Variants in CORO1C observed in about 807,000 individuals in gnomAD.
CORO1C encodes the protein coronin-1C.
In CORO1C, 14 loss-of-function variants were observed where a neutral mutation model predicts 51.2. That is an observed-to-expected ratio of 0.27 (90% CI 0.18 to 0.43). The LOEUF is 0.43. Ranked by LOEUF, CORO1C falls within the 20% of genes least tolerant of loss-of-function variation. The pLI is 1.00. For missense variants in CORO1C, 417 were observed against 607.8 expected (o/e 0.69, Z 3.30); for synonymous variants, 181 against 210.5 (o/e 0.86, Z 1.21).
intron 1 of CORO1C, among the ~76,000 whole-genome samples, chr12:108,709,468 A>G (rs1441683243): frequency 6.6e-6 from 1 of 152,348 alleles, no homozygotes; most frequent in East Asian, 1.9e-4. Context: ...CTGCAAACAA[A>G]GGAAAAATTG....
At position 108,694,334 on chromosome 12, in the gene CORO1C, G is replaced by A. The variant is rs535901413; in HGVS notation, c.195+6790C>T. ...GAACCCACCACAGGTCGCTGCACAT[G>A]CAGGCACTAAGGAATGAATATGTGA... On this transcript the variant is annotated intron_variant, in intron 2 of 10. Coordinates refer to ENST00000261401, the MANE Select transcript of CORO1C (RefSeq NM_014325.4). Among the ~76,000 whole-genome samples, 10 of 148,584 alleles carry A rather than the reference G, an allele frequency of 6.7e-5. 1 individual carries two copies. The Middle Eastern group carries it at 0.011, about 162-fold the overall frequency.
intron 1 of CORO1C, among the ~76,000 whole-genome samples, chr12:108,714,631 G>A (rs977364253): frequency 2.0e-5 from 3 of 151,774 alleles, no homozygotes; most frequent in East Asian, 1.9e-4. Flanking sequence ...GCATGATGGC[G>A]CATGCCTGTG....
Position 108,654,351 on chromosome 12 carries a change from C to T in CORO1C, c.810G>A (p.Leu270=). The change falls in exon 7 of 11, where the codon CTG becomes CTA. Residue 270 remains leucine (L), a synonymous_variant. Transcript: ENST00000261401. ...TGCTGGTGTCAGGGTCATAGAAAGG[C>T]AGCAACACCCCATTGCTAGTGTCCA... ...HEMDTSNGVL[L]PFYDPDTSII... 1 of 1,613,598 alleles carries T rather than the reference C, an allele frequency of 6.2e-7. No homozygotes were observed. Among genetic ancestry groups the T allele is most frequent in the Non-Finnish European group, 8.5e-7 (1 of 1,179,546 alleles).
intron 4 of CORO1C, among the ~76,000 whole-genome samples, chr12:108,660,190 G>A (rs534861908): frequency 6.6e-6 from 1 of 152,160 alleles, no homozygotes; most frequent in Non-Finnish European, 1.5e-5. Context: ...GGTGGCTCAC[G>A]CCTGTAATCC....
At chr12:108,723,842 A>T (rs1207056409) in intron 1 of CORO1C, among the ~76,000 whole-genome samples, 1 of 152,220 alleles carries the variant, frequency 6.6e-6, no homozygotes, top group Non-Finnish European at 1.5e-5. Flanking sequence ...CGGCCTACTA[A>T]TGCCAATTTT....
intron 1 of CORO1C, among the ~76,000 whole-genome samples, chr12:108,710,648 T>A (rs2136875640): frequency 6.6e-6 from 1 of 151,638 alleles, no homozygotes; most frequent in East Asian, 1.9e-4. Flanking sequence ...CACTGCAACC[T>A]CCACCTCCCA....
At chr12:108,678,605 A>G (rs548615326) in intron 2 of CORO1C, among the ~76,000 whole-genome samples, 2 of 152,276 alleles carry the variant, frequency 1.3e-5, no homozygotes, top group Admixed American at 6.5e-5. Flanking sequence ...CCTAGAACCA[A>G]AAAGATGTAA....
intron 1 of CORO1C, among the ~76,000 whole-genome samples, chr12:108,721,191 A>G (rs2035465174): frequency 6.6e-6 from 1 of 152,258 alleles, no homozygotes; most frequent in Non-Finnish European, 1.5e-5. Flanking sequence ...ACCTACCTTT[A>G]TAACTCCATA....
chr12:108,650,306 A>G (rs2032588235), intron 8 of CORO1C, among the ~76,000 whole-genome samples: 1 of 150,344 alleles, frequency 6.7e-6, no homozygotes, highest in Admixed American at 6.7e-5. Flanking sequence ...AGCCTCTGGA[A>G]TAACTGGGAC....
chr12:108,709,816 G>T (rs1226310666), intron 1 of CORO1C, among the ~76,000 whole-genome samples: 3 of 152,336 alleles, frequency 2.0e-5, no homozygotes, highest in Non-Finnish European at 4.4e-5. Flanking sequence ...TGTCCTGTCA[G>T]AGAGTGGTTC....
chr12:108,712,005 T>C (rs2035195263), intron 1 of CORO1C, among the ~76,000 whole-genome samples: 1 of 152,140 alleles, frequency 6.6e-6, no homozygotes, highest in Non-Finnish European at 1.5e-5. Context: ...GCTCAGCCCA[T>C]TTGCTGAGAC....
At chr12:108,708,469 T>G (rs1565933937) in intron 1 of CORO1C, among the ~76,000 whole-genome samples, 1 of 151,920 alleles carries the variant, frequency 6.6e-6, no homozygotes, top group African/African-American at 2.4e-5. Context: ...AGAGTTTTTT[T>G]TTTTTTTTCT....
At chr12:108,681,011 TTC>T (rs560784452) in intron 2 of CORO1C, among the ~76,000 whole-genome samples, 2 of 152,006 alleles carry the variant, frequency 1.3e-5, no homozygotes, top group East Asian at 1.9e-4. Context: ...CTTCCTTTCT[TTC>T]TCTCTCTCTC....
intron 2 of CORO1C, among the ~76,000 whole-genome samples, chr12:108,679,874 T>G (rs1402665810): frequency 6.6e-6 from 1 of 152,234 alleles, no homozygotes. Context: ...ATGATACTTA[T>G]TAACTCCCAC....
intron 2 of CORO1C, among the ~76,000 whole-genome samples, chr12:108,696,601 T>C (rs2034695202): frequency 6.6e-6 from 1 of 152,150 alleles, no homozygotes; most frequent in African/African-American, 2.4e-5. Context: ...TGTGTGCTCT[T>C]GAGACAAGGC....
chr12:108,715,274 T>C (rs1299787603), intron 1 of CORO1C, among the ~76,000 whole-genome samples: 1 of 151,984 alleles, frequency 6.6e-6, no homozygotes, highest in Non-Finnish European at 1.5e-5. Context: ...TGTAATTCCC[T>C]CACATCTTAT....
chr12:108,698,799 T>G (rs1464031400), intron 2 of CORO1C, among the ~76,000 whole-genome samples: 1 of 152,186 alleles, frequency 6.6e-6, no homozygotes, highest in Admixed American at 6.5e-5. Context: ...CCACTACAAG[T>G]CAGTGACTGA....
At chr12:108,673,334 C>CT (rs1372629130) in intron 3 of CORO1C, among the ~76,000 whole-genome samples, 1 of 152,206 alleles carries the variant, frequency 6.6e-6, no homozygotes, top group Non-Finnish European at 1.5e-5. Context: ...TCCTAACTCT[C>CT]TTCAATTCCA....
At chr12:108,650,778 C>T (rs546314549) in intron 8 of CORO1C, among the ~76,000 whole-genome samples, 5 of 152,290 alleles carry the variant, frequency 3.3e-5, no homozygotes, top group African/African-American at 9.6e-5. Context: ...TATAGTCTGT[C>T]GAACTTTTAG....
Sources: gnomAD v4.1 joint callset for allele counts (sites outside exome capture counted in the v4.1 genomes callset) on GRCh38, gnomAD v4.1.1 for gene constraint, MANE v1.5 for transcripts, NCBI Gene and HGNC (gene_info 2026-07-23, HGNC 2026-07-21) for gene names.